The following RABGAP1L variants were observed in gnomAD, a reference collection of about 807,000 sequenced individuals.
RABGAP1L encodes the protein RAB GTPase activating protein 1 like, also known as rab GTPase-activating protein 1-like.
RABGAP1L carries 63 observed loss-of-function variants against 137.7 expected under a neutral mutation model. That is an observed-to-expected ratio of 0.46 (90% CI 0.37 to 0.56). The LOEUF (loss-of-function observed/expected upper bound fraction) is 0.56. Ranked by LOEUF, RABGAP1L falls within the 20% of genes least tolerant of loss-of-function variation. RABGAP1L has a pLI of 0.00. For missense variants in RABGAP1L, 1,095 were observed against 1,244.0 expected (o/e 0.88, Z 1.80); for synonymous variants, 431 against 433.7 (o/e 0.99, Z 0.08).
chr1:174,549,221 A>G lies in RABGAP1L; in HGVS notation c.1711-88154A>G, dbSNP rs187387803. Among the ~76,000 whole-genome samples, 361 of 152,290 alleles carry G rather than the reference A, an allele frequency of 2.4e-3. 1 individual carries two copies. Among genetic ancestry groups the G allele is most frequent in the Non-Finnish European group, 3.7e-3 (249 of 68,022 alleles). The stretch of plus-strand genomic sequence containing the variant: ...CCTGTACCCTATACTTCTTAAACAG[A>G]TTACATTTTTTCAGTATACTAGTAG... On this transcript the variant is annotated intron_variant, in intron 13 of 25. Coordinates refer to ENST00000681986, the MANE Select transcript of RABGAP1L (RefSeq NM_001366446.1).
intron 14 of RABGAP1L, among the ~76,000 whole-genome samples, chr1:174,642,505 T>G (rs925565931): frequency 2.0e-5 from 3 of 152,198 alleles, no homozygotes; most frequent in African/African-American, 7.2e-5. Context: ...GAGGATGAAT[T>G]ATTTTTCACT....
chr1:174,654,466 C>G (rs1041516413), intron 14 of RABGAP1L, among the ~76,000 whole-genome samples: 3 of 152,010 alleles, frequency 2.0e-5, no homozygotes, highest in Admixed American at 2.0e-4. Context: ...GGCTACATTC[C>G]TTAGGGCAAG....
At chr1:174,324,329 G>T (rs2148837751) in intron 11 of RABGAP1L, among the ~76,000 whole-genome samples, 2 of 152,260 alleles carry the variant, frequency 1.3e-5, no homozygotes, top group Admixed American at 1.3e-4. Context: ...GATGGCAGAA[G>T]AAAGAGAGGA....
rs1335291058 is a variant in RABGAP1L at position 174,448,058 on chromosome 1, C to T, written c.1710+53913C>T. 26 of 1,512,576 alleles carry T rather than the reference C, an allele frequency of 1.7e-5. No homozygotes were observed. Among genetic ancestry groups the T allele is most frequent in the Non-Finnish European group, 2.3e-5 (25 of 1,108,210 alleles). 93.7% of individuals were successfully genotyped at this position (1,512,576 alleles called of 1,614,324 possible). ...TGTGCGGTGTTTAACAGATGCTGGG[C>T]AGGGCATCTGCTTGCTGTAGCCAAG... On this transcript the variant is annotated intron_variant, in intron 13 of 25. Transcript: ENST00000681986. The surrounding 1 kb of genome is among the most constrained non-coding windows in gnomAD (Gnocchi z 4.2).
chr1:174,497,895 A>G (rs1464367543), intron 13 of RABGAP1L, among the ~76,000 whole-genome samples: 2 of 149,038 alleles, frequency 1.3e-5, no homozygotes, highest in Non-Finnish European at 2.9e-5. Flanking sequence ...TTACAGTATT[A>G]GTAGCTCTGA....
intron 8 of RABGAP1L, among the ~76,000 whole-genome samples, chr1:174,274,115 C>T (rs1221643847): frequency 1.3e-5 from 2 of 152,166 alleles, no homozygotes; most frequent in Non-Finnish European, 2.9e-5. Flanking sequence ...TTTATAATCA[C>T]CTGAAATCAT....
chr1:174,262,398 C>T (rs544172479), intron 7 of RABGAP1L, among the ~76,000 whole-genome samples: 2 of 152,170 alleles, frequency 1.3e-5, no homozygotes, highest in East Asian at 3.9e-4. Context: ...ATATTGTTGT[C>T]TGTAATGTGT....
chr1:174,572,347 A>G (rs1365647099), intron 13 of RABGAP1L, among the ~76,000 whole-genome samples: 1 of 152,094 alleles, frequency 6.6e-6, no homozygotes, highest in African/African-American at 2.4e-5. Flanking sequence ...TTAACATCTT[A>G]TATCTTGAAA....
chr1:174,298,147 G>T (rs765919596), intron 10 of RABGAP1L, among the ~76,000 whole-genome samples: 1 of 152,178 alleles, frequency 6.6e-6, no homozygotes, highest in Non-Finnish European at 1.5e-5. Flanking sequence ...TCTAGAAAGA[G>T]GGGAGCAGGC....
intron 10 of RABGAP1L, among the ~76,000 whole-genome samples, chr1:174,301,513 A>G (rs899532402): frequency 1.3e-5 from 2 of 151,606 alleles, no homozygotes; most frequent in African/African-American, 2.4e-5. Context: ...CCACAATGTT[A>G]CAGCCTTCTG....
At chr1:174,536,477 T>G (rs1179093726) in intron 13 of RABGAP1L, among the ~76,000 whole-genome samples, 1 of 152,030 alleles carries the variant, frequency 6.6e-6, no homozygotes, top group Non-Finnish European at 1.5e-5. Context: ...GAATGATAAA[T>G]TAAGTAAAAA....
chr1:174,745,268 C>T (rs1489956493), intron 17 of RABGAP1L, among the ~76,000 whole-genome samples: 2 of 152,084 alleles, frequency 1.3e-5, no homozygotes, highest in Admixed American at 6.6e-5. Context: ...TAGCTGGCTT[C>T]GAAAAGTGAG....
chr1:174,783,459 A>G (rs1687187923), intron 18 of RABGAP1L, among the ~76,000 whole-genome samples: 1 of 152,126 alleles, frequency 6.6e-6, no homozygotes, highest in Admixed American at 6.6e-5. Context: ...CGCCGCCCGT[A>G]ACAGTATGAG....
At chr1:174,983,223 CTG>C (rs1334670756) in intron 24 of RABGAP1L, among the ~76,000 whole-genome samples, 1 of 152,172 alleles carries the variant, frequency 6.6e-6, no homozygotes, top group Non-Finnish European at 1.5e-5. Context: ...CCACATCTGA[CTG>C]AGCCTGCATT....
intron 13 of RABGAP1L, among the ~76,000 whole-genome samples, chr1:174,495,698 A>G (rs909757517): frequency 2.6e-5 from 4 of 152,162 alleles, no homozygotes; most frequent in African/African-American, 7.2e-5. Flanking sequence ...AGATTGGTAC[A>G]TATTAAACTA....
intron 20 of RABGAP1L, among the ~76,000 whole-genome samples, chr1:174,965,589 G>T (rs967226441): frequency 6.6e-6 from 1 of 152,186 alleles, no homozygotes; most frequent in Non-Finnish European, 1.5e-5. Flanking sequence ...CCCTCAGTAG[G>T]TAAGTGTGGG....
chr1:174,925,887 GTGT>G (rs1662740690), intron 19 of RABGAP1L, among the ~76,000 whole-genome samples: 1 of 52,688 alleles, frequency 1.9e-5, no homozygotes, highest in Admixed American at 2.0e-4. Context: ...TTTTTTTTTT[GTGT>G]TTTTTTTTTT....
chr1:174,935,984 C>CAAAA (rs58215269), intron 19 of RABGAP1L, among the ~76,000 whole-genome samples: 37 of 43,146 alleles, frequency 8.6e-4, no homozygotes, highest in East Asian at 1.4e-3. Context: ...TCCATCTCAC[C>CAAAA]AAAAAAAAAA....
intron 17 of RABGAP1L, among the ~76,000 whole-genome samples, chr1:174,723,777 T>C (rs1681771547): frequency 6.6e-6 from 1 of 152,224 alleles, no homozygotes; most frequent in Non-Finnish European, 1.5e-5. Flanking sequence ...AGATATAGCA[T>C]ATTTGCCTTG....
Sources: gnomAD v4.1 joint callset for allele counts (sites outside exome capture counted in the v4.1 genomes callset) on GRCh38, gnomAD v4.1.1 for gene constraint, Gnocchi (gnomAD v3.1) non-coding constraint, MANE v1.5 for transcripts, NCBI Gene and HGNC (gene_info 2026-07-23, HGNC 2026-07-21) for gene names.